Variants in DNAJC12 observed in about 807,000 individuals in gnomAD.
The protein encoded by DNAJC12 is dnaJ homolog subfamily C member 12.
DNAJC12 carries 25 observed loss-of-function variants against 28.5 expected under a neutral mutation model. The observed-to-expected ratio is 0.88, with a 90% CI of 0.64 to 1.22. DNAJC12 has a LOEUF of 1.22. Ranked by LOEUF, DNAJC12 falls within the 50% of genes most tolerant of loss-of-function variation. DNAJC12 has a pLI of 0.00. For missense variants in DNAJC12, 222 were observed against 231.7 expected (o/e 0.96, Z 0.27); for synonymous variants, 77 against 80.6 (o/e 0.95, Z 0.24).
At chr10:67,821,554 G>A (rs987090819) in intron 2 of DNAJC12, among the ~76,000 whole-genome samples, 1 of 152,108 alleles carries the variant, frequency 6.6e-6, no homozygotes, top group African/African-American at 2.4e-5. Context: ...TCTACCCTGA[G>A]GATAAAATCA....
intron 1 of DNAJC12, among the ~76,000 whole-genome samples, chr10:67,828,492 C>T (rs993127704): frequency 1.2e-4 from 18 of 152,204 alleles, no homozygotes; most frequent in African/African-American, 4.1e-4. Context: ...AGAACACCTT[C>T]GAATAATAGG....
chr10:67,835,172 G>T (rs929066732), intron 1 of DNAJC12, among the ~76,000 whole-genome samples: 2 of 151,980 alleles, frequency 1.3e-5, no homozygotes, highest in African/African-American at 2.4e-5. Context: ...GTATTATGTG[G>T]GTGTCTCAAT....
At chr10:67,832,493 T>C (rs1043922550) in intron 1 of DNAJC12, among the ~76,000 whole-genome samples, 1 of 152,114 alleles carries the variant, frequency 6.6e-6, no homozygotes, top group Non-Finnish European at 1.5e-5. Context: ...AAATAAATAA[T>C]GGTAATATTT....
intron 4 of DNAJC12, among the ~76,000 whole-genome samples, chr10:67,804,670 A>C (rs542619750): frequency 6.6e-6 from 1 of 152,214 alleles, no homozygotes; most frequent in South Asian, 2.1e-4. Context: ...CAGGAGGTAA[A>C]CTTCTATAAT....
At chr10:67,811,811 G>A (rs1004247138) in intron 2 of DNAJC12, 148 bp from the exon 3 acceptor site, 9 of 1,417,782 alleles carry the variant, frequency 6.3e-6, no homozygotes, top group Admixed American at 2.9e-5. Context: ...CTTTTGTAAA[G>A]GGTATCATAA....
intron 2 of DNAJC12, among the ~76,000 whole-genome samples, chr10:67,822,791 C>T (rs906943903): frequency 2.0e-5 from 3 of 151,708 alleles, no homozygotes; most frequent in Admixed American, 1.3e-4. Context: ...AGTTCGAAAC[C>T]GGCCTGCCCA....
chr10:67,826,945 T>A (rs1589612320), intron 1 of DNAJC12, among the ~76,000 whole-genome samples: 1 of 134,906 alleles, frequency 7.4e-6, no homozygotes, highest in African/African-American at 2.7e-5. Context: ...ATATATATAA[T>A]ATATATCATG....
chr10:67,826,804 A>C (rs12774377), intron 1 of DNAJC12, among the ~76,000 whole-genome samples: 75,028 of 90,352 alleles, frequency 0.83, 32,451 homozygotes, highest in Non-Finnish European at 0.91. Context: ...TATCAGATAT[A>C]TAATGATATA....
At chr10:67,819,058 G>C (rs1041372622) in intron 2 of DNAJC12, among the ~76,000 whole-genome samples, 7 of 152,228 alleles carry the variant, frequency 4.6e-5, no homozygotes, top group Non-Finnish European at 1.0e-4. Flanking sequence ...CAGGGGTCGG[G>C]AGCGGTGGCT....
chr10:67,827,353 C>CTCTA (rs1426225322), intron 1 of DNAJC12, among the ~76,000 whole-genome samples: 1 of 147,482 alleles, frequency 6.8e-6, no homozygotes, highest in Admixed American at 6.9e-5. Flanking sequence ...TGACACTGCA[C>CTCTA]TCTAGCCTGG....
intron 2 of DNAJC12, among the ~76,000 whole-genome samples, chr10:67,814,423 T>C (rs1447506202): frequency 6.7e-6 from 1 of 149,820 alleles, no homozygotes; most frequent in Admixed American, 6.6e-5. Context: ...AAAAAAAACA[T>C]AGGAATAAAT....
In DNAJC12 at chr10:67,823,257, C is replaced by A. The variant is rs921158135; in HGVS notation, c.157+57G>T. On this transcript the variant is annotated intron_variant, in intron 2 of 4. Transcript: ENST00000225171. Reference sequence around the variant, plus strand: ...AGAAAATTAAGTTACTATTCACTGGCTTTTGGTTCTATATACTACTCATTT... The same window carrying A: ...AGAAAATTAAGTTACTATTCACTGGATTTTGGTTCTATATACTACTCATTT... 12 of 1,414,908 alleles carry A rather than the reference C, an allele frequency of 8.5e-6. No homozygotes were observed. In the Admixed American group the frequency reaches 1.6e-4, roughly 19 times the overall value. The allele number at this position is 1,414,908 out of a possible 1,614,324, so 87.6% of individuals were successfully genotyped here.
intron 1 of DNAJC12, among the ~76,000 whole-genome samples, chr10:67,837,466 G>T (rs901991742): frequency 6.6e-6 from 1 of 151,936 alleles, no homozygotes; most frequent in East Asian, 1.9e-4. Context: ...TAACATAAAG[G>T]GATGCTTCTT....
At chr10:67,815,508 C>CAAAAAAAAAAAAA (rs762037586) in intron 2 of DNAJC12, among the ~76,000 whole-genome samples, 1 of 65,770 alleles carries the variant, frequency 1.5e-5, no homozygotes, top group Non-Finnish European at 3.1e-5. Flanking sequence ...TACTTCGTCT[C>CAAAAAAAAAAAAA]AAAAAAAAAA....
At chr10:67,800,716 T>C (rs570258790) in intron 4 of DNAJC12, among the ~76,000 whole-genome samples, 1 of 152,122 alleles carries the variant, frequency 6.6e-6, no homozygotes, top group Non-Finnish European at 1.5e-5. Flanking sequence ...TGGGCCGAGG[T>C]GGGCAGATCA....
In DNAJC12 at chr10:67,805,564, G is replaced by C. The variant is rs370957802; in HGVS notation, c.502+19C>G. 8.4e-5 allele frequency: 133 copies of C among 1,588,466 alleles called. No individual in the cohort carries two copies. The highest frequency in any genetic ancestry group is 1.0e-4 in the Non-Finnish European group (122 of 1,171,894). On this transcript the variant is annotated intron_variant, in intron 4 of 4. Transcript: ENST00000225171. The stretch of plus-strand genomic sequence containing the variant: ...AATTTCAGACCTTCTCCATTCTGCA[G>C]TTATATAACGTGACTTACCTGAAGA...
chr10:67,822,078 G>A (rs1191515686), intron 2 of DNAJC12, among the ~76,000 whole-genome samples: 1 of 152,154 alleles, frequency 6.6e-6, no homozygotes, highest in Admixed American at 6.5e-5. Flanking sequence ...TGAGAACTAG[G>A]TTAAGGATAG....
chr10:67,822,753 C>T (rs1054540068), intron 2 of DNAJC12, among the ~76,000 whole-genome samples: 19 of 151,996 alleles, frequency 1.3e-4, no homozygotes, highest in African/African-American at 4.1e-4. Flanking sequence ...ACTGGGAGGC[C>T]GAGGTGGGGG....
At chr10:67,797,920 C>G (rs57963314) in intron 4 of DNAJC12, among the ~76,000 whole-genome samples, 16,966 of 151,292 alleles carry the variant, frequency 0.11, 1,691 homozygotes, top group African/African-American at 0.27. Flanking sequence ...GGCGCCTGTA[C>G]TCCCAGCTAC....
Sources: gnomAD v4.1 joint callset for allele counts (sites outside exome capture counted in the v4.1 genomes callset) on GRCh38, gnomAD v4.1.1 for gene constraint, MANE v1.5 for transcripts, NCBI Gene and HGNC (gene_info 2026-07-23, HGNC 2026-07-21) for gene names.